SH3RF1: variants seen among roughly 807,000 people sequenced by gnomAD.
The protein encoded by SH3RF1 is E3 ubiquitin-protein ligase SH3RF1.
In SH3RF1, 32 loss-of-function variants were observed where a neutral mutation model predicts 74.0. The observed-to-expected ratio is 0.43, with a 90% CI of 0.33 to 0.58. The LOEUF (loss-of-function observed/expected upper bound fraction) is 0.58. Ranked by LOEUF, SH3RF1 falls within the 20% of genes least tolerant of loss-of-function variation. The probability of loss-of-function intolerance (pLI) is 0.05; values close to 1 mark genes in which losing one functional copy is unlikely to be tolerated. For missense variants in SH3RF1, 954 were observed against 1,130.9 expected (o/e 0.84, Z 2.24); for synonymous variants, 396 against 439.6 (o/e 0.90, Z 1.24).
intron 2 of SH3RF1, among the ~76,000 whole-genome samples, chr4:169,259,896 C>T (rs1731250720): frequency 6.6e-6 from 1 of 152,184 alleles, no homozygotes; most frequent in Non-Finnish European, 1.5e-5. Flanking sequence ...TATTGTGGAT[C>T]CTTAGGAAGA....
chr4:169,252,747 C>T (rs946138533), intron 2 of SH3RF1, among the ~76,000 whole-genome samples: 3 of 152,152 alleles, frequency 2.0e-5, no homozygotes, highest in South Asian at 2.1e-4. Context: ...GATGGACTGA[C>T]GTATTCATAA....
At chr4:169,187,287 G>A (rs911867442) in intron 2 of SH3RF1, among the ~76,000 whole-genome samples, 1 of 152,148 alleles carries the variant, frequency 6.6e-6, no homozygotes, top group Non-Finnish European at 1.5e-5. Flanking sequence ...CAGCCTCCCA[G>A]GCTCAAGTGA....
intron 5 of SH3RF1, among the ~76,000 whole-genome samples, chr4:169,133,917 G>A (rs1191223418): frequency 2.6e-5 from 4 of 152,228 alleles, no homozygotes; most frequent in African/African-American, 9.6e-5. Flanking sequence ...TCTTTGCTGG[G>A]CAGGGGAAAA....
chr4:169,097,678 A>T (rs996780927), intron 11 of SH3RF1, among the ~76,000 whole-genome samples: 4 of 152,160 alleles, frequency 2.6e-5, no homozygotes, highest in African/African-American at 9.7e-5. Flanking sequence ...GGTGTATGGT[A>T]GCCAACCTCC....
chr4:169,105,742 T>C (rs1485703943), intron 11 of SH3RF1, among the ~76,000 whole-genome samples: 1 of 152,032 alleles, frequency 6.6e-6, no homozygotes, highest in Non-Finnish European at 1.5e-5. Context: ...AAAAATTAGC[T>C]GGGAATGGTG....
chr4:169,240,255 G>T lies in SH3RF1; in HGVS notation c.393+28565C>A, dbSNP rs188141278. 4.5e-4 allele frequency among the ~76,000 whole-genome samples: 68 copies of T among 151,782 alleles called. 2 individuals carry two copies. The East Asian group carries it at 0.012, about 28-fold the overall frequency. ...TCTGGCACGCAGGCTGGAGTGCAGT[G>T]GTGCAATCTCAGCTCACTGAGCCTC... On this transcript the variant is annotated intron_variant, in intron 2 of 11. Coordinates refer to ENST00000284637, the MANE Select transcript of SH3RF1 (RefSeq NM_020870.4).
chr4:169,159,651 A>T (rs1273349625), intron 2 of SH3RF1, among the ~76,000 whole-genome samples: 1 of 152,214 alleles, frequency 6.6e-6, no homozygotes, highest in Non-Finnish European at 1.5e-5. Context: ...CAGGCAGTAC[A>T]TGCTACATGT....
intron 2 of SH3RF1, among the ~76,000 whole-genome samples, chr4:169,176,248 T>C (rs1173124834): frequency 6.6e-6 from 1 of 152,182 alleles, no homozygotes. Flanking sequence ...AACAAGTCAA[T>C]GGGGAGCAGC....
intron 10 of SH3RF1, among the ~76,000 whole-genome samples, chr4:169,115,812 C>T (rs1268656502): frequency 6.6e-6 from 1 of 152,136 alleles, no homozygotes; most frequent in African/African-American, 2.4e-5. Flanking sequence ...ATAAGTAACA[C>T]TTTTGATCAA....
At position 169,247,883 on chromosome 4, in the gene SH3RF1, T is replaced by TAC. The variant is rs3072492; in HGVS notation, c.393+20936_393+20937insGT. On this transcript the variant is annotated intron_variant, in intron 2 of 11. Transcript: ENST00000284637. Reference sequence around the variant, plus strand: ...AAGACATTTATGCAGCCAACAAACATGAAAAAAAGCACATCATCACTGATC... The same window carrying TAC: ...AAGACATTTATGCAGCCAACAAACATACGAAAAAAAGCACATCATCACTGATC... Among the ~76,000 whole-genome samples the TAC allele has an allele frequency of 3.1e-4, 46 of 150,578 alleles. No homozygotes were observed. The East Asian group carries it at 6.7e-3, about 22-fold the overall frequency.
At chr4:169,256,892 T>C (rs1731201754) in intron 2 of SH3RF1, among the ~76,000 whole-genome samples, 1 of 152,208 alleles carries the variant, frequency 6.6e-6, no homozygotes, top group African/African-American at 2.4e-5. Context: ...TGTGAGCCAA[T>C]CCACTTGCCC....
chr4:169,252,213 T>C (rs1051386515), intron 2 of SH3RF1, among the ~76,000 whole-genome samples: 3 of 152,206 alleles, frequency 2.0e-5, no homozygotes, highest in Non-Finnish European at 2.9e-5. Context: ...GTGATATCAA[T>C]GCAAAACAAG....
chr4:169,117,271 T>C (rs1199847054), intron 9 of SH3RF1, among the ~76,000 whole-genome samples: 2 of 152,142 alleles, frequency 1.3e-5, no homozygotes, highest in Admixed American at 6.5e-5. Flanking sequence ...AAGTCAAAAT[T>C]TCAAGTACTA....
intron 2 of SH3RF1, among the ~76,000 whole-genome samples, chr4:169,264,666 G>A (rs939592358): frequency 6.6e-6 from 1 of 152,136 alleles, no homozygotes; most frequent in Non-Finnish European, 1.5e-5. Flanking sequence ...CTGAAGCCCT[G>A]CTAATCGTCT....
chr4:169,129,987 C>T (rs774482106), intron 6 of SH3RF1, 59 bp downstream of exon 6: 1 of 1,371,766 alleles, frequency 7.3e-7, no homozygotes, highest in Non-Finnish European at 1.0e-6. Flanking sequence ...GTGGAGTGTG[C>T]CAGATTAACA....
intron 2 of SH3RF1, among the ~76,000 whole-genome samples, chr4:169,166,052 G>A (rs1734236885): frequency 6.6e-6 from 1 of 151,448 alleles, no homozygotes; most frequent in African/African-American, 2.4e-5. Flanking sequence ...GTAGGGAGGG[G>A]AAAAAAGCCT....
chr4:169,163,108 A>G (rs1282630187), intron 2 of SH3RF1, among the ~76,000 whole-genome samples: 4 of 152,106 alleles, frequency 2.6e-5, no homozygotes, highest in South Asian at 2.1e-4. Flanking sequence ...GAGAGAAAAA[A>G]AAAAACAAAC....
chr4:169,116,479 G>A lies in SH3RF1; in HGVS notation c.1929C>T (p.His643=), dbSNP rs1440062889. 3 of 1,613,876 alleles carry A rather than the reference G, an allele frequency of 1.9e-6. No individual in the cohort carries two copies. The highest frequency in any genetic ancestry group is 2.5e-6 in the Non-Finnish European group (3 of 1,179,902). The change falls in exon 10 of 12, where the codon CAC becomes CAT. Residue 643 remains histidine, a synonymous_variant. Coordinates refer to ENST00000284637, the MANE Select transcript of SH3RF1 (RefSeq NM_020870.4). ...PAPLMPGSAT[H]TAAISISRAS... ...CTCGACTGATACTGATGGCAGCAGT[G>A]TGCGTGGCTGAGCCTGGCATCAGAG...
chr4:169,151,707 C>T (rs905386181), intron 4 of SH3RF1, among the ~76,000 whole-genome samples: 2 of 152,228 alleles, frequency 1.3e-5, no homozygotes, highest in Admixed American at 1.3e-4. Flanking sequence ...GCCTTCTGCA[C>T]ATTACCTTTT....
Sources: allele counts gnomAD v4.1 joint callset (sites outside exome capture counted in the v4.1 genomes callset), GRCh38; gene constraint gnomAD v4.1.1; transcripts MANE v1.5; gene names NCBI Gene and HGNC (gene_info 2026-07-23, HGNC 2026-07-21).